Variants in MEIOSIN observed in about 807,000 individuals in gnomAD.
MEIOSIN encodes the protein meiosis initiator, also known as meiosis initiator protein.
MEIOSIN carries 18 observed loss-of-function variants against 23.4 expected under a neutral mutation model. That is an observed-to-expected ratio of 0.77 (90% confidence interval 0.53 to 1.14). The LOEUF is 1.14. MEIOSIN is among the 50% of genes most tolerant of loss of function. The pLI, the probability that MEIOSIN is intolerant of heterozygous loss-of-function variation, is 0.00. For synonymous variants in MEIOSIN, 187 were observed against 100.6 expected (o/e 1.86, Z -5.14); for missense variants, 428 against 242.9 (o/e 1.76, Z -5.07).
chr19:45,758,272 G>C (rs1425795986), intron 9 of MEIOSIN, among the ~76,000 whole-genome samples: 1 of 152,112 alleles, frequency 6.6e-6, no homozygotes, highest in Admixed American at 6.6e-5. Flanking sequence ...GGGATTATAG[G>C]CGTGAGCCCC....
Position 45,757,241 on chromosome 19 carries a change from T to A in MEIOSIN, c.976T>A (p.Trp326Arg), listed in dbSNP as rs542476933. ...CAAAGGGTCCCTAGACGCTGACCCT[T>A]GGCTCCCTGCCTGGACCCCAGAGAA... Reference protein sequence around the residue: ...VDKGSLDADPWLPAWTPENSP... With the variant: ...VDKGSLDADPRLPAWTPENSP... Residue 326 changes from tryptophan to arginine, a missense_variant, in exon 9 of 15, where the codon TGG (tryptophan) becomes AGG (arginine). Transcript: ENST00000457052. 9.1e-5 allele frequency: 64 copies of A among 702,966 alleles called. No individual in the cohort carries two copies. The African/African-American group carries it at 9.8e-4, about 11-fold the overall frequency. 43.5% of individuals were successfully genotyped at this position (702,966 alleles called of 1,614,324 possible).
Position 45,755,964 on chromosome 19 carries a change from C to G in MEIOSIN, c.803-6C>G, listed in dbSNP as rs748550776. 2.1e-5 allele frequency: 15 copies of G among 702,090 alleles called. No individual in the cohort carries two copies. The highest frequency in any genetic ancestry group is 3.9e-5 in the Non-Finnish European group (15 of 384,870). The allele number at this position is 702,090 out of a possible 1,614,324, so 43.5% of individuals were successfully genotyped here. A position where few individuals can be genotyped will look rare whatever the true frequency, so the allele number is the denominator to read the frequency against. On this transcript the variant is annotated splice_region_variant and splice_polypyrimidine_tract_variant and intron_variant, in intron 7 of 14. Coordinates refer to ENST00000457052, the MANE Select transcript of MEIOSIN (RefSeq NM_001310124.2). ...CCAGGCATGGTCATCCTGATCTGCC[C>G]CTTAGGCTGCTGGTGCCAGGGCAGT...
intron 13 of MEIOSIN, 126 bp from the exon 14 acceptor site, chr19:45,763,212 T>C: frequency 2.5e-6 from 1 of 396,480 alleles, no homozygotes; most frequent in Non-Finnish European, 4.4e-6. Flanking sequence ...TCCAGCTCCC[T>C]CTGCCTCCTC....
rs907021016 is a variant in MEIOSIN at position 45,739,639 on chromosome 19, T to C, written c.85T>C (p.Cys29Arg). 1 of 703,024 alleles carries C rather than the reference T, an allele frequency of 1.4e-6. No individual in the cohort carries two copies. The highest frequency in any genetic ancestry group is 1.7e-5 in the African/African-American group (1 of 57,230). 43.5% of individuals were successfully genotyped at this position (703,024 alleles called of 1,614,324 possible). ...LGPSDRTLVL[C>R]SLVEGEDKVN... is the part of the protein sequence containing the mutation. ...TATTCTTGGCAGGACCTTGGTTTTG[T>C]GCTCCCTAGTGGAAGGGGAAGATAA... is the stretch of plus-strand genomic sequence containing the variant. Residue 29 changes from cysteine (C) to arginine (R), a missense_variant, in exon 3 of 15, where the codon TGC becomes CGC. Physicochemically the swap from Cys to Arg is radical, Grantham distance 180. Coordinates refer to ENST00000457052, the MANE Select transcript of MEIOSIN (RefSeq NM_001310124.2).
At chr19:45,742,385 CAGA>C (rs1182149427) in intron 3 of MEIOSIN, among the ~76,000 whole-genome samples, 1 of 152,068 alleles carries the variant, frequency 6.6e-6, no homozygotes, top group Non-Finnish European at 1.5e-5. Context: ...GAGACTGAAG[CAGA>C]AGGATTGCTG....
At chr19:45,761,380 C>T (rs1004117631) in intron 11 of MEIOSIN, among the ~76,000 whole-genome samples, 1 of 151,206 alleles carries the variant, frequency 6.6e-6, no homozygotes, top group Non-Finnish European at 1.5e-5. Flanking sequence ...CCTCAGCCTC[C>T]GAAAGTGCTG....
chr19:45,748,309 T>C (rs1413749655), intron 4 of MEIOSIN, among the ~76,000 whole-genome samples: 1 of 152,212 alleles, frequency 6.6e-6, no homozygotes, highest in African/African-American at 2.4e-5. Flanking sequence ...CTCGATCTCC[T>C]GACTTCGTGA....
intron 4 of MEIOSIN, among the ~76,000 whole-genome samples, chr19:45,746,828 A>C (rs1968604467): frequency 6.6e-6 from 1 of 151,848 alleles, no homozygotes; most frequent in Non-Finnish European, 1.5e-5. Context: ...CTCAAAAGAA[A>C]AAAAAAAAAA....
At chr19:45,757,664 G>A (rs1381132372) in intron 9 of MEIOSIN, among the ~76,000 whole-genome samples, 1 of 152,036 alleles carries the variant, frequency 6.6e-6, no homozygotes, top group Admixed American at 6.6e-5. Context: ...GGGATTACAG[G>A]TGCCCACCAC....
chr19:45,739,533 G>GA, intron 2 of MEIOSIN, 93 bp from the exon 3 acceptor site: 1 of 689,820 alleles, frequency 1.4e-6, no homozygotes, highest in South Asian at 1.5e-5. Flanking sequence ...ACCCAGAAGA[G>GA]AAAACATCTT....
intron 2 of MEIOSIN, among the ~76,000 whole-genome samples, chr19:45,736,759 G>A (rs1006085314): frequency 6.6e-6 from 1 of 151,286 alleles, no homozygotes; most frequent in African/African-American, 2.4e-5. Context: ...TTTTAGTAGA[G>A]ATGGGGTTTC....
chr19:45,763,530 C>G (rs1968991769), intron 14 of MEIOSIN, 103 bp downstream of exon 14: 1 of 397,686 alleles, frequency 2.5e-6, no homozygotes, highest in South Asian at 1.4e-4. Context: ...GCATGGGAGA[C>G]TGGGCCGAGG....
chr19:45,748,769 C>G (rs1267796557), intron 4 of MEIOSIN, among the ~76,000 whole-genome samples: 1 of 152,092 alleles, frequency 6.6e-6, no homozygotes, highest in African/African-American at 2.4e-5. Flanking sequence ...AGATAATAAG[C>G]TTAAAAAGAC....
chr19:45,751,489 C>A (rs1260226900), intron 5 of MEIOSIN, among the ~76,000 whole-genome samples: 2 of 151,300 alleles, frequency 1.3e-5, no homozygotes, highest in African/African-American at 2.4e-5. Context: ...ATTCTGCCAG[C>A]GTATTTTATT....
At chr19:45,737,737 A>G (rs1029826409) in intron 2 of MEIOSIN, among the ~76,000 whole-genome samples, 2 of 152,088 alleles carry the variant, frequency 1.3e-5, no homozygotes, top group Non-Finnish European at 2.9e-5. Flanking sequence ...GTTTGAGTCC[A>G]GCCTGGCCAA....
Position 45,757,109 on chromosome 19 carries a change from A to C in MEIOSIN, c.912-68A>C. ...CCCCCAGGGGCCAGTGCAGAGTGCC[A>C]AAGGGGCCCCATAGCAGTTTCTAGC... On this transcript the variant is annotated intron_variant, in intron 8 of 14. Coordinates refer to ENST00000457052, the MANE Select transcript of MEIOSIN (RefSeq NM_001310124.2). 3 of 688,712 alleles carry C rather than the reference A, an allele frequency of 4.4e-6. No homozygotes were observed. In the Admixed American group the frequency reaches 6.1e-5, roughly 14 times the overall value. 42.7% of individuals were successfully genotyped at this position (688,712 alleles called of 1,614,324 possible).
chr19:45,751,004 G>A (rs1462680505), intron 5 of MEIOSIN, among the ~76,000 whole-genome samples: 1 of 152,168 alleles, frequency 6.6e-6, no homozygotes, highest in Non-Finnish European at 1.5e-5. Flanking sequence ...CGGGCACAGT[G>A]GCTGATGCCT....
intron 4 of MEIOSIN, among the ~76,000 whole-genome samples, chr19:45,747,566 G>GAGCAGAC (rs1157305511): frequency 6.6e-6 from 1 of 152,238 alleles, no homozygotes; most frequent in Non-Finnish European, 1.5e-5. Flanking sequence ...CAAGAGCAGA[G>GAGCAGAC]AGCAGACAGC....
At chr19:45,735,263 T>G in intron 1 of MEIOSIN, 114 bp from the exon 2 acceptor site, 2 of 627,508 alleles carry the variant, frequency 3.2e-6, no homozygotes, top group Non-Finnish European at 5.8e-6. Context: ...TATTTTGGGA[T>G]CTCTGGGTGC....
Sources: allele counts gnomAD v4.1 joint callset (sites outside exome capture counted in the v4.1 genomes callset), GRCh38; gene constraint gnomAD v4.1.1; transcripts MANE v1.5; gene names NCBI Gene and HGNC (gene_info 2026-07-23, HGNC 2026-07-21).